Variants in ATAD5 observed in about 807,000 individuals in gnomAD.
ATAD5 encodes ATPase family AAA domain containing 5.
A neutral mutation model predicts 176.9 loss-of-function variants in ATAD5; 58 were observed. The ratio of observed to expected loss-of-function variants is 0.33; its 90% confidence interval spans 0.27 to 0.41. The LOEUF (loss-of-function observed/expected upper bound fraction) is 0.41, where lower values mean the gene tolerates loss of function less well. ATAD5 is among the 10% of genes least tolerant of loss of function. ATAD5 has a pLI of 1.00. For synonymous variants in ATAD5, 640 were observed against 712.6 expected, an observed-to-expected ratio of 0.90 and a Z score of 1.62; for missense variants, 1,789 against 2,094.1, an observed-to-expected ratio of 0.85 and a Z score of 2.84.
intron 15 of ATAD5, among the ~76,000 whole-genome samples, chr17:30,877,161 G>C (rs1368721357): frequency 6.6e-6 from 1 of 152,060 alleles, no homozygotes; most frequent in Non-Finnish European, 1.5e-5. Flanking sequence ...GAGATTACAG[G>C]TGTGTGCCAC....
In ATAD5 at chr17:30,835,800, G is replaced by C; in HGVS notation, c.1719G>C (p.Lys573Asn). 6.2e-7 allele frequency: 1 copy of C among 1,613,482 alleles called. No homozygotes were observed. The highest frequency in any genetic ancestry group is 2.2e-5 in the East Asian group (1 of 44,858). Residue 573 changes from lysine (K) to asparagine (N), a missense_variant, in exon 2 of 23, where the codon AAG becomes AAC. Physicochemically the swap from Lys to Asn is moderately conservative, Grantham distance 94. Transcript: ENST00000321990. Reference sequence around the variant, plus strand: ...CCAGCATACCAGTTAAAGATATTAAGCTTACACAGTCTAAAGCTGAATCTG... The same window carrying C: ...CCAGCATACCAGTTAAAGATATTAACCTTACACAGTCTAAAGCTGAATCTG... The part of the protein sequence containing the change: ...RKTSIPVKDI[K>N]LTQSKAESEA...
chr17:30,890,359 C>T (rs1187286496), intron 19 of ATAD5, among the ~76,000 whole-genome samples: 1 of 150,220 alleles, frequency 6.7e-6, no homozygotes, highest in African/African-American at 2.5e-5. Context: ...ATTGTTACAG[C>T]AAGAAACTTT....
chr17:30,857,062 G>A lies in ATAD5; in HGVS notation c.2743G>A (p.Glu915Lys). The A allele has an allele frequency of 6.2e-7, 1 of 1,610,796 alleles. No individual in the cohort carries two copies. Among genetic ancestry groups the A allele is most frequent in the Non-Finnish European group, 8.5e-7 (1 of 1,179,340 alleles). The change falls in exon 8 of 23, where the codon GAA becomes AAA. Residue 915 changes from glutamate to lysine, a missense_variant. Glu to Lys is a moderately conservative substitution (Grantham distance 56, BLOSUM62 1). Coordinates refer to ENST00000321990, the MANE Select transcript of ATAD5 (RefSeq NM_024857.5). ...DLSKCGIALGEFSTLNSKLKS... is the reference protein window; with the variant it reads ...DLSKCGIALGKFSTLNSKLKS... ...CTCAAAATGTGGTATTGCTCTTGGT[G>A]AATTTTCAACATTGAATTCAAAGTT... is the stretch of plus-strand genomic sequence containing the variant.
intron 18 of ATAD5, among the ~76,000 whole-genome samples, chr17:30,885,726 C>T (rs1351635492): frequency 1.3e-5 from 2 of 150,048 alleles, no homozygotes; most frequent in Non-Finnish European, 3.0e-5. Flanking sequence ...CTCCACCTCC[C>T]GGGTTTGAGT....
chr17:30,842,409 T>C (rs1179727687), intron 4 of ATAD5, among the ~76,000 whole-genome samples: 3 of 152,216 alleles, frequency 2.0e-5, no homozygotes, highest in Non-Finnish European at 2.9e-5. Flanking sequence ...GTGTTGATGG[T>C]GCACTCACCA....
intron 5 of ATAD5, among the ~76,000 whole-genome samples, 199 bp downstream of exon 5, chr17:30,844,238 T>C (rs1906325567): frequency 6.6e-6 from 1 of 152,086 alleles, no homozygotes; most frequent in African/African-American, 2.4e-5. Flanking sequence ...TTCAAGTGAT[T>C]CTCCTGCCTC....
At chr17:30,850,178 GA>G (rs1440210454) in intron 6 of ATAD5, among the ~76,000 whole-genome samples, 5 of 151,736 alleles carry the variant, frequency 3.3e-5, no homozygotes, top group African/African-American at 1.2e-4. Flanking sequence ...TTCAAAATTT[GA>G]AAATATATAA....
At chr17:30,839,633 G>T (rs1230910126) in intron 3 of ATAD5, among the ~76,000 whole-genome samples, 1 of 147,220 alleles carries the variant, frequency 6.8e-6, no homozygotes, top group African/African-American at 2.6e-5. Flanking sequence ...AGGCTGGAGT[G>T]CAATGGCGCG....
chr17:30,868,171 A>AAT (rs1908110720), intron 11 of ATAD5, among the ~76,000 whole-genome samples, 162 bp from the exon 12 acceptor site: 1 of 152,196 alleles, frequency 6.6e-6, no homozygotes, highest in Non-Finnish European at 1.5e-5. Context: ...ATGCCATATA[A>AAT]AGCTGTACTA....
rs1015215276 is a variant in ATAD5 at position 30,894,498 on chromosome 17, T to C, written c.5298-66T>C. On this transcript the variant is annotated intron_variant, in intron 21 of 22. Transcript: ENST00000321990. ...ACCAGAGGCAAGGAAACTAAACTGGTTGTGATTGGGATTACTGCATTTTTC... is the reference window on the plus strand; with the variant it reads ...ACCAGAGGCAAGGAAACTAAACTGGCTGTGATTGGGATTACTGCATTTTTC... 26 of 1,485,326 alleles carry C rather than the reference T, an allele frequency of 1.8e-5. 2 individuals carry two copies. The South Asian group carries it at 2.9e-4, about 17-fold the overall frequency. 92.0% of individuals were successfully genotyped at this position (1,485,326 alleles called of 1,614,324 possible). A position where few individuals can be genotyped will look rare whatever the true frequency, so the allele number is the denominator to read the frequency against.
chr17:30,877,809 G>A (rs1421140080), intron 16 of ATAD5, among the ~76,000 whole-genome samples, 194 bp from the exon 17 acceptor site: 1 of 152,116 alleles, frequency 6.6e-6, no homozygotes, highest in Admixed American at 6.6e-5. Flanking sequence ...ATAGGTGGCT[G>A]CGTTTGTTTT....
intron 18 of ATAD5, among the ~76,000 whole-genome samples, chr17:30,883,507 A>G (rs1476850960): frequency 1.3e-5 from 2 of 152,070 alleles, no homozygotes; most frequent in African/African-American, 2.4e-5. Context: ...ACATTTTGCA[A>G]TATTTGGATA....
At chr17:30,846,023 A>G (rs1488658538) in intron 6 of ATAD5, among the ~76,000 whole-genome samples, 1 of 152,168 alleles carries the variant, frequency 6.6e-6, no homozygotes, top group Admixed American at 6.6e-5. Context: ...GTGTAATTAT[A>G]TATTGTTAAG....
Position 30,892,731 on chromosome 17 carries a change from C to T in ATAD5, c.4383C>T (p.Thr1461=), listed in dbSNP as rs144014973. Residue 1461 remains threonine (T), a synonymous_variant, in exon 20 of 23, where the codon ACC becomes ACT. Transcript: ENST00000321990. The part of the protein sequence containing the change: ...LPKCDSGCAE[T]LFGLKNIFSP... Reference sequence around the variant, plus strand: ...AATGTGACAGTGGCTGTGCTGAGACCTTGTTTGGCCTTAAGAACATTTTTT... The same window carrying T: ...AATGTGACAGTGGCTGTGCTGAGACTTTGTTTGGCCTTAAGAACATTTTTT... The T allele has an allele frequency of 6.8e-5, 107 of 1,583,524 alleles. No individual in the cohort carries two copies. The African/African-American group carries it at 1.1e-3, about 16-fold the overall frequency.
intron 4 of ATAD5, among the ~76,000 whole-genome samples, chr17:30,841,500 T>C (rs1906114838): frequency 6.6e-6 from 1 of 152,238 alleles, no homozygotes; most frequent in Non-Finnish European, 1.5e-5. Flanking sequence ...ATAATTCATA[T>C]ACATGCATTT....
Position 30,834,352 on chromosome 17 carries a change from C to T in ATAD5, c.271C>T (p.Pro91Ser), listed in dbSNP as rs771572182. 4.3e-6 allele frequency: 7 copies of T among 1,610,134 alleles called. No individual in the cohort carries two copies. In the African/African-American group the frequency reaches 9.4e-5, roughly 22 times the overall value. Residue 91 changes from proline (P) to serine (S), a missense_variant, in exon 2 of 23, where the codon CCT becomes TCT. This residue lies in a region of ATAD5 where 696 missense variants were observed against 712.5 expected (regional missense o/e 0.98). Transcript: ENST00000321990. ...ECKIKSPESVPVDSNKDCTTP... is the reference protein window; with the variant it reads ...ECKIKSPESVSVDSNKDCTTP... ...CAAGATAAAGTCACCTGAATCAGTA[C>T]CTGTTGACAGCAACAAAGACTGTAC...
chr17:30,834,948 T>A lies in ATAD5; in HGVS notation c.867T>A (p.Ile289=), dbSNP rs1336936489. Residue 289 remains isoleucine (I), a synonymous_variant, in exon 2 of 23, where the codon ATT becomes ATA. Coordinates refer to ENST00000321990, the MANE Select transcript of ATAD5 (RefSeq NM_024857.5). ...AGATACCAGACTCTACAATGTCAAT[T>A]TGTGTTCCTTCTGAAACTGTCGACG... ...VEEIPDSTMS[I]CVPSETVDEI... is the part of the protein sequence containing the mutation. 6.2e-7 allele frequency: 1 copy of A among 1,613,816 alleles called. No homozygotes were observed. The highest frequency in any genetic ancestry group is 1.3e-5 in the African/African-American group (1 of 75,022).
At chr17:30,892,109 A>G (rs1248150920) in intron 19 of ATAD5, among the ~76,000 whole-genome samples, 2 of 151,580 alleles carry the variant, frequency 1.3e-5, no homozygotes, top group Non-Finnish European at 2.9e-5. Context: ...CCATCACCTC[A>G]CTTAATTTAT....
chr17:30,888,433 A>C (rs1228247811), intron 19 of ATAD5, among the ~76,000 whole-genome samples: 1 of 151,896 alleles, frequency 6.6e-6, no homozygotes, highest in Non-Finnish European at 1.5e-5. Context: ...GGTCCTAGCT[A>C]CTTGGGAGGC....
Sources: gnomAD v4.1 joint callset for allele counts (sites outside exome capture counted in the v4.1 genomes callset) on GRCh38, gnomAD v4.1.1 for gene constraint, gnomAD v4.1.1 regional missense constraint, MANE v1.5 for transcripts, NCBI Gene and HGNC (gene_info 2026-07-23, HGNC 2026-07-21) for gene names.